The following SLC39A10 variants were observed in gnomAD, a reference collection of about 807,000 sequenced individuals.
SLC39A10 encodes the protein zinc transporter ZIP10.
Under a neutral mutation model 65.1 loss-of-function variants are expected in SLC39A10, and 13 were observed. The ratio of observed to expected loss-of-function variants is 0.20; its 90% CI spans 0.13 to 0.32. The LOEUF is 0.32. Ranked by LOEUF, SLC39A10 falls within the 10% of genes least tolerant of loss-of-function variation. The pLI, the probability that SLC39A10 is intolerant of heterozygous loss-of-function variation, is 1.00. For missense variants in SLC39A10, 831 were observed against 1,018.4 expected (o/e 0.82, Z 2.50); for synonymous variants, 321 against 342.2 (o/e 0.94, Z 0.68).
At chr2:195,709,170 A>T (rs1171932243) in intron 5 of SLC39A10, among the ~76,000 whole-genome samples, 1 of 151,874 alleles carries the variant, frequency 6.6e-6, no homozygotes, top group Admixed American at 6.6e-5. Flanking sequence ...GACCATAGGC[A>T]CATGCCACCA....
intron 4 of SLC39A10, 101 bp from the exon 5 acceptor site, chr2:195,708,554 AT>A: frequency 1.1e-6 from 1 of 910,112 alleles, no homozygotes. Context: ...CTTGAAAGGT[AT>A]TTTTTCTGTG....
chr2:195,645,706 G>T (rs374260009), intron 2 of SLC39A10, among the ~76,000 whole-genome samples: 14 of 151,886 alleles, frequency 9.2e-5, no homozygotes, highest in African/African-American at 3.1e-4. Context: ...TTTGTGTCTG[G>T]CTTATTTCAC....
At chr2:195,709,808 T>C (rs1276646105) in intron 5 of SLC39A10, among the ~76,000 whole-genome samples, 1 of 152,228 alleles carries the variant, frequency 6.6e-6, no homozygotes, top group African/African-American at 2.4e-5. Context: ...AAAGATATTT[T>C]CTAATTAAGT....
At chr2:195,643,758 C>G (rs1688856138) in intron 2 of SLC39A10, among the ~76,000 whole-genome samples, 1 of 152,196 alleles carries the variant, frequency 6.6e-6, no homozygotes, top group Non-Finnish European at 1.5e-5. Flanking sequence ...TGGTAAAATT[C>G]TACCATCATT....
At chr2:195,730,701 T>C (rs1692407086) in intron 9 of SLC39A10, among the ~76,000 whole-genome samples, 1 of 152,228 alleles carries the variant, frequency 6.6e-6, no homozygotes, top group Non-Finnish European at 1.5e-5. Context: ...AGGCCTTTCC[T>C]TTAACTCCAG....
chr2:195,653,813 C>G (rs781622408), upstream of SLC39A10, among the ~76,000 whole-genome samples: 20 of 152,194 alleles, frequency 1.3e-4, no homozygotes, highest in Non-Finnish European at 2.6e-4. Flanking sequence ...GTAAAAGTAA[C>G]AGTTTAAACT....
Position 195,669,741 on chromosome 2 carries a change from TA to T in SLC39A10, c.-11-10289del, listed in dbSNP as rs528028380. 1.1e-3 allele frequency among the ~76,000 whole-genome samples: 165 copies of T among 152,282 alleles called. 2 individuals are homozygous for T. The highest frequency in any genetic ancestry group is 3.8e-3 in the African/African-American group (157 of 41,562). On this transcript the variant is annotated intron_variant, in intron 1 of 9. Coordinates refer to ENST00000359634, the MANE Select transcript of SLC39A10 (RefSeq NM_020342.3). ...GGCTGGGCACGATGGCTTACACCTGTAATCCCAGCAGCTTGGGAGGCTGAGG... is the reference window on the plus strand; with the variant it reads ...GGCTGGGCACGATGGCTTACACCTGTATCCCAGCAGCTTGGGAGGCTGAGG...
chr2:195,734,159 T>TTAA (rs1553508651), intron 9 of SLC39A10, among the ~76,000 whole-genome samples: 33 of 116,558 alleles, frequency 2.8e-4, no homozygotes, highest in African/African-American at 7.4e-4. Context: ...CCTTTTTTTT[T>TTAA]AAAAAAAAAA....
chr2:195,613,465 C>G (rs1367623619), intron 2 of SLC39A10, among the ~76,000 whole-genome samples: 1 of 152,260 alleles, frequency 6.6e-6, no homozygotes, highest in East Asian at 1.9e-4. Context: ...CAGCTGTTCT[C>G]TGATTATATT....
chr2:195,681,398 C>T (rs1007707411), intron 2 of SLC39A10, among the ~76,000 whole-genome samples: 4 of 151,900 alleles, frequency 2.6e-5, no homozygotes, highest in Admixed American at 6.5e-5. Context: ...TGGTGGCGGG[C>T]GCCTGTAGCC....
At chr2:195,692,504 G>T (rs1690783830) in intron 3 of SLC39A10, among the ~76,000 whole-genome samples, 1 of 152,048 alleles carries the variant, frequency 6.6e-6, no homozygotes, top group East Asian at 1.9e-4. Context: ...ATTTGTTTGT[G>T]TCATCTATGA....
chr2:195,708,823 T>G lies in SLC39A10; in HGVS notation c.1554T>G (p.Phe518Leu). ...LFIIEHCIRM[F>L]KHYKQQRGKQ... ...TCATTGAACACTGCATTAGAATGTT[T>G]AAGCACTACAAACAACAAAGAGTAA... The change falls in exon 5 of 10, where the codon TTT (phenylalanine) becomes TTG (leucine). Residue 518 changes from phenylalanine (F) to leucine (L), a missense_variant. By Grantham distance (22) the Phe-to-Leu change is conservative (BLOSUM62 0). Coordinates refer to ENST00000359634, the MANE Select transcript of SLC39A10 (RefSeq NM_020342.3). The G allele has an allele frequency of 6.2e-7, 1 of 1,608,620 alleles. No individual in the cohort carries two copies. The highest frequency in any genetic ancestry group is 8.5e-7 in the Non-Finnish European group (1 of 1,178,160).
chr2:195,687,116 A>G (rs892685339), intron 3 of SLC39A10, among the ~76,000 whole-genome samples: 3 of 152,096 alleles, frequency 2.0e-5, no homozygotes, highest in Admixed American at 6.6e-5. Context: ...TCTTGACTTC[A>G]TGCTTATTGA....
chr2:195,679,997 A>G, intron 1 of SLC39A10, 35 bp from the exon 2 acceptor site: 1 of 1,513,646 alleles, frequency 6.6e-7, no homozygotes, highest in Non-Finnish European at 8.9e-7. Context: ...TCTAGGTAGA[A>G]ACTAATACTT....
Position 195,625,887 on chromosome 2 carries a change from C to G in SLC39A10, c.-12+19654C>G, listed in dbSNP as rs538537613. On this transcript the variant is annotated intron_variant, in intron 2 of 2. Coordinates refer to the SLC39A10 transcript ENST00000458054. ...AGTGGCACAATCTCCAGGGATCGAG[C>G]AATTCTCCCACGTTAGCCTCCTGAA... is the stretch of plus-strand genomic sequence containing the variant. Among the ~76,000 whole-genome samples the G allele has an allele frequency of 3.3e-5, 5 of 152,244 alleles. No individual in the cohort carries two copies. In the East Asian group the frequency reaches 9.7e-4, roughly 29 times the overall value.
intron 2 of SLC39A10, among the ~76,000 whole-genome samples, chr2:195,643,482 AT>A (rs563411480): frequency 1.4e-3 from 209 of 152,352 alleles, no homozygotes; most frequent in Non-Finnish European, 2.5e-3. Context: ...CTTCATAAAT[AT>A]ACTCATTAAA....
chr2:195,645,581 C>G (rs1344010020), intron 2 of SLC39A10, among the ~76,000 whole-genome samples: 3 of 152,100 alleles, frequency 2.0e-5, no homozygotes, highest in Non-Finnish European at 4.4e-5. Context: ...ATTAACTTCC[C>G]ATTCCCCATT....
rs769850945 is a variant in SLC39A10 at position 195,702,433 on chromosome 2, A to G, written c.1217-4183A>G. Among the ~76,000 whole-genome samples, 230 of 152,262 alleles carry G rather than the reference A, an allele frequency of 1.5e-3. 2 individuals carry two copies. Among genetic ancestry groups the G allele is most frequent in the Non-Finnish European group, 3.0e-3 (207 of 68,012 alleles). On this transcript the variant is annotated intron_variant, in intron 3 of 9. Coordinates refer to ENST00000359634, the MANE Select transcript of SLC39A10 (RefSeq NM_020342.3). Reference sequence around the variant, plus strand: ...GCTGAAATTGATCAGAATTAACCACATTTTACCATCGAGCTTTCCCCTAGA... The same window carrying G: ...GCTGAAATTGATCAGAATTAACCACGTTTTACCATCGAGCTTTCCCCTAGA...
intron 2 of SLC39A10, among the ~76,000 whole-genome samples, chr2:195,644,209 T>C (rs545906330): frequency 6.6e-6 from 1 of 152,174 alleles, no homozygotes; most frequent in South Asian, 2.1e-4. Flanking sequence ...GCCAATTAAT[T>C]TGAAAATCTG....
Sources: gnomAD v4.1 joint callset for allele counts (sites outside exome capture counted in the v4.1 genomes callset) on GRCh38, gnomAD v4.1.1 for gene constraint, MANE v1.5 for transcripts, NCBI Gene and HGNC (gene_info 2026-07-23, HGNC 2026-07-21) for gene names.